JAKMIP3: variants seen among roughly 807,000 people sequenced by gnomAD.
JAKMIP3 encodes janus kinase and microtubule-interacting protein 3.
Under a neutral mutation model 118.5 loss-of-function variants are expected in JAKMIP3, and 58 were observed. The observed-to-expected ratio is 0.49, with a 90% confidence interval of 0.40 to 0.61. The LOEUF is 0.61. Among genes scored for constraint, JAKMIP3 ranks in the 20% least tolerant of loss-of-function variants. JAKMIP3 has a pLI of 0.00. For synonymous variants in JAKMIP3, 486 were observed against 451.2 expected (o/e 1.08, Z -0.98); for missense variants, 950 against 1,109.0 (o/e 0.86, Z 2.04).
At chr10:132,177,084 C>A (rs566952082) in intron 23 of JAKMIP3, among the ~76,000 whole-genome samples, 1 of 152,238 alleles carries the variant, frequency 6.6e-6, no homozygotes, top group Non-Finnish European at 1.5e-5. Flanking sequence ...TCCCCCTCCC[C>A]GCTTTATTGC....
intron 3 of JAKMIP3, among the ~76,000 whole-genome samples, chr10:132,123,737 C>A (rs1366108529): frequency 6.6e-6 from 1 of 152,214 alleles, no homozygotes; most frequent in Non-Finnish European, 1.5e-5. Context: ...GCACCCCAAG[C>A]CTGGCTCCCA....
rs532906603 is a variant in JAKMIP3 at position 132,105,407 on chromosome 10, C to T, written c.135+464C>T. Reference sequence around the variant, plus strand: ...GATTTGGAGGAACAGCACCCGTTAGCGAATGTGGAGATGCAGGGGCAAGCC... The same window carrying T: ...GATTTGGAGGAACAGCACCCGTTAGTGAATGTGGAGATGCAGGGGCAAGCC... On this transcript the variant is annotated intron_variant, in intron 2 of 23. Coordinates refer to ENST00000684848, the MANE Select transcript of JAKMIP3 (RefSeq NM_001323087.2). Among the ~76,000 whole-genome samples, 4 of 152,328 alleles carry T rather than the reference C, an allele frequency of 2.6e-5. No individual in the cohort carries two copies. The South Asian group carries it at 6.2e-4, about 24-fold the overall frequency.
At chr10:132,181,584 G>A (rs1819538297) in intron 23 of JAKMIP3, 1 of 152,206 alleles carries the variant, frequency 6.6e-6, no homozygotes, top group Admixed American at 6.5e-5. Context: ...CAAAGAACAA[G>A]GTACTATGTT....
intron 19 of JAKMIP3, among the ~76,000 whole-genome samples, chr10:132,159,774 G>GA (rs1452908333): frequency 3.9e-4 from 6 of 15,338 alleles, no homozygotes; most frequent in Non-Finnish European, 5.8e-4. Flanking sequence ...GATACTGGGG[G>GA]GTCTCTTCCT....
intron 1 of JAKMIP3, among the ~76,000 whole-genome samples, chr10:132,087,585 G>A (rs2042557804): frequency 6.6e-6 from 1 of 151,596 alleles, no homozygotes; most frequent in South Asian, 2.1e-4. Context: ...TGTTGGATTG[G>A]GTTAACTCGA....
intron 1 of JAKMIP3, among the ~76,000 whole-genome samples, chr10:132,077,171 C>T (rs183953058): frequency 1.8e-4 from 27 of 152,320 alleles, no homozygotes; most frequent in Admixed American, 1.2e-3. Flanking sequence ...TTTGCTTCCA[C>T]GCTTAGCCTA....
At chr10:132,080,542 G>A (rs2041619666) in intron 1 of JAKMIP3, among the ~76,000 whole-genome samples, 1 of 65,596 alleles carries the variant, frequency 1.5e-5, no homozygotes, top group Admixed American at 2.4e-4. Context: ...TTTTTTTTAA[G>A]ATGGAGTCTC....
chr10:132,105,877 C>G (rs2045824966), intron 2 of JAKMIP3, among the ~76,000 whole-genome samples: 1 of 141,266 alleles, frequency 7.1e-6, no homozygotes, highest in African/African-American at 2.7e-5. Flanking sequence ...AAAGGCATCT[C>G]TCTTGGGACC....
intron 3 of JAKMIP3, among the ~76,000 whole-genome samples, chr10:132,132,539 G>A (rs2050839253): frequency 6.6e-6 from 1 of 151,832 alleles, no homozygotes; most frequent in African/African-American, 2.4e-5. Flanking sequence ...TGAGCACAAA[G>A]CGCCACGTTG....
intron 2 of JAKMIP3, among the ~76,000 whole-genome samples, chr10:132,109,689 C>T (rs2046551221): frequency 6.6e-6 from 1 of 152,122 alleles, no homozygotes; most frequent in African/African-American, 2.4e-5. Context: ...ATGGAATATC[C>T]CATCTGAGTT....
intron 1 of JAKMIP3, among the ~76,000 whole-genome samples, chr10:132,045,732 G>A (rs1381577665): frequency 6.6e-6 from 1 of 151,932 alleles, no homozygotes; most frequent in Non-Finnish European, 1.5e-5. Flanking sequence ...AGTTCCAGAC[G>A]ATATTGGACA....
At chr10:132,180,722 T>TGCGTGC (rs1459828660) in intron 23 of JAKMIP3, among the ~76,000 whole-genome samples, 1 of 21,908 alleles carries the variant, frequency 4.6e-5, no homozygotes, top group African/African-American at 2.6e-4. Context: ...TGTGTGTGCG[T>TGCGTGC]GTGTGTGCGT....
intron 23 of JAKMIP3, among the ~76,000 whole-genome samples, chr10:132,177,690 G>A (rs1157864847): frequency 4.6e-5 from 7 of 150,708 alleles, no homozygotes; most frequent in African/African-American, 9.8e-5. Context: ...GCATTTGGCC[G>A]TGGTGTGTGT....
chr10:132,150,361 C>G (rs907162668), intron 16 of JAKMIP3, among the ~76,000 whole-genome samples: 1 of 152,186 alleles, frequency 6.6e-6, no homozygotes, highest in Non-Finnish European at 1.5e-5. Flanking sequence ...AAACCAAGAC[C>G]CTTAGGGGTT....
At chr10:132,146,468 C>T (rs548655488) in intron 13 of JAKMIP3, among the ~76,000 whole-genome samples, 5 of 152,182 alleles carry the variant, frequency 3.3e-5, no homozygotes, top group African/African-American at 7.2e-5. Flanking sequence ...GGGCTGGCTA[C>T]GGGTCCAGGG....
intron 4 of JAKMIP3, 88 bp from the exon 5 acceptor site, chr10:132,134,953 G>T: frequency 6.5e-7 from 1 of 1,529,090 alleles, no homozygotes; most frequent in South Asian, 1.2e-5. Flanking sequence ...CCACGGCAGC[G>T]TTTTTGTTCC....
chr10:132,180,305 A>T (rs2060620455), intron 23 of JAKMIP3, among the ~76,000 whole-genome samples: 1 of 151,738 alleles, frequency 6.6e-6, no homozygotes, highest in Admixed American at 6.6e-5. Flanking sequence ...AGCCCCATGG[A>T]GCCACAGAGA....
chr10:132,110,096 T>C (rs549640650), intron 2 of JAKMIP3, among the ~76,000 whole-genome samples: 1 of 152,308 alleles, frequency 6.6e-6, no homozygotes, highest in African/African-American at 2.4e-5. Flanking sequence ...AGAATCCAGT[T>C]CTGGACCTCA....
At position 132,136,176 on chromosome 10, in the gene JAKMIP3, G is replaced by A. The variant is rs951539120; in HGVS notation, c.1116+100G>A. On this transcript the variant is annotated intron_variant, in intron 6 of 23. Transcript: ENST00000684848. Reference sequence around the variant, plus strand: ...AAGATTTAGCATGACAGCCGGTCCCGGGCGGGTGGCCAGGCCTTCTGCTGG... The same window carrying A: ...AAGATTTAGCATGACAGCCGGTCCCAGGCGGGTGGCCAGGCCTTCTGCTGG... 1.1e-5 allele frequency: 15 copies of A among 1,328,774 alleles called. No homozygotes were observed. In the Middle Eastern group the frequency reaches 6.4e-4, roughly 57 times the overall value. The allele number at this position is 1,328,774 out of a possible 1,614,324, so 82.3% of individuals were successfully genotyped here.
Sources: allele counts gnomAD v4.1 joint callset (sites outside exome capture counted in the v4.1 genomes callset), GRCh38; gene constraint gnomAD v4.1.1; transcripts MANE v1.5; gene names NCBI Gene and HGNC (gene_info 2026-07-23, HGNC 2026-07-21).